PRTG: variants seen among roughly 807,000 people sequenced by gnomAD.
PRTG encodes immunoglobulin superfamily, DCC subclass, member 5.
In PRTG, 67 loss-of-function variants were observed where a neutral mutation model predicts 122.5. That is an observed-to-expected ratio of 0.55 (90% confidence interval 0.45 to 0.67). The LOEUF (loss-of-function observed/expected upper bound fraction) is 0.67. Ranked by LOEUF, PRTG falls within the 30% of genes least tolerant of loss-of-function variation. The pLI is 0.00. For synonymous variants in PRTG, 554 were observed against 501.1 expected (o/e 1.11, Z -1.41); for missense variants, 1,435 against 1,415.4 (o/e 1.01, Z -0.22).
chr15:55,666,245 C>T (rs1310710862), intron 11 of PRTG, among the ~76,000 whole-genome samples: 1 of 152,190 alleles, frequency 6.6e-6, no homozygotes, highest in Non-Finnish European at 1.5e-5. Flanking sequence ...AGAGAGCATG[C>T]TCTGGGCATT....
At chr15:55,720,470 C>T (rs1203697947) in intron 2 of PRTG, among the ~76,000 whole-genome samples, 2 of 152,156 alleles carry the variant, frequency 1.3e-5, no homozygotes, top group Non-Finnish European at 2.9e-5. Flanking sequence ...GTATTTTTCA[C>T]ATCCTATTGG....
At chr15:55,670,922 C>A (rs1042564790) in intron 11 of PRTG, among the ~76,000 whole-genome samples, 2 of 67,092 alleles carry the variant, frequency 3.0e-5, no homozygotes, top group East Asian at 8.7e-4. Context: ...CACACACACA[C>A]ACACACACAC....
intron 7 of PRTG, 113 bp downstream of exon 7, chr15:55,679,173 G>A: frequency 1.5e-6 from 1 of 669,554 alleles, no homozygotes. Flanking sequence ...GTTTCATTTT[G>A]TTAATAACTA....
intron 2 of PRTG, among the ~76,000 whole-genome samples, chr15:55,690,653 A>T (rs907683003): frequency 4.0e-5 from 6 of 151,676 alleles, no homozygotes; most frequent in Admixed American, 1.3e-4. Flanking sequence ...TACAAAATTT[A>T]AAAAAAAATG....
chr15:55,625,829 G>A (rs1006284407), intron 17 of PRTG, among the ~76,000 whole-genome samples: 2 of 151,976 alleles, frequency 1.3e-5, no homozygotes, highest in Non-Finnish European at 2.9e-5. Context: ...CTCCATGTTG[G>A]TCAGGCTGGT....
chr15:55,624,005 A>T (rs192805529), intron 18 of PRTG, among the ~76,000 whole-genome samples: 1 of 152,342 alleles, frequency 6.6e-6, no homozygotes, highest in East Asian at 1.9e-4. Context: ...GTCAGTCCAA[A>T]TTATAGTAAA....
intron 18 of PRTG, among the ~76,000 whole-genome samples, chr15:55,623,443 T>C (rs1192362529): frequency 6.6e-6 from 1 of 152,102 alleles, no homozygotes; most frequent in East Asian, 1.9e-4. Flanking sequence ...GGCGCACGCC[T>C]GTAATCCCGG....
chr15:55,677,320 AC>A (rs2059508275), intron 8 of PRTG, among the ~76,000 whole-genome samples: 1 of 152,192 alleles, frequency 6.6e-6, no homozygotes, highest in Non-Finnish European at 1.5e-5. Context: ...TTCAAAATAT[AC>A]AAAATACTTA....
At chr15:55,707,327 T>C (rs925100265) in intron 2 of PRTG, among the ~76,000 whole-genome samples, 1 of 152,162 alleles carries the variant, frequency 6.6e-6, no homozygotes, top group African/African-American at 2.4e-5. Flanking sequence ...TATATCCAAC[T>C]AGTGATTTAA....
At position 55,663,539 on chromosome 15, in the gene PRTG, C is replaced by CTT. The variant is rs574872335; in HGVS notation, c.2041+8904_2041+8905dup. ...TGATACGTTTTCCATCTTTTCTTTT[C>CTT]TTTTTTTTTTTTTGGTAGGGAGACA... is the stretch of plus-strand genomic sequence containing the variant. On this transcript the variant is annotated intron_variant, in intron 11 of 19. Transcript: ENST00000389286. Among the ~76,000 whole-genome samples the CTT allele has an allele frequency of 4.4e-3, 634 of 142,912 alleles. 7 individuals are homozygous for CTT. The highest frequency in any genetic ancestry group is 0.015 in the African/African-American group (595 of 39,130). The allele number at this position is 142,912 out of a possible 152,430, so 93.8% of individuals were successfully genotyped here. A position where few individuals can be genotyped will look rare whatever the true frequency, so the allele number is the denominator to read the frequency against.
intron 18 of PRTG, among the ~76,000 whole-genome samples, chr15:55,623,899 T>C (rs1351447013): frequency 1.3e-5 from 2 of 152,150 alleles, no homozygotes. Flanking sequence ...AAAAATGGCA[T>C]TCATACTTGG....
intron 14 of PRTG, among the ~76,000 whole-genome samples, chr15:55,638,184 A>G (rs974404397): frequency 2.6e-5 from 4 of 152,324 alleles, no homozygotes; most frequent in African/African-American, 7.2e-5. Flanking sequence ...GCTGCTATTC[A>G]TACAGAAATA....
chr15:55,640,671 T>A (rs1375038322), intron 12 of PRTG, among the ~76,000 whole-genome samples: 1 of 152,208 alleles, frequency 6.6e-6, no homozygotes, highest in Non-Finnish European at 1.5e-5. Flanking sequence ...ATAGGACTTA[T>A]AATTCAATAT....
intron 2 of PRTG, among the ~76,000 whole-genome samples, chr15:55,731,035 T>C (rs1269720525): frequency 6.6e-6 from 1 of 152,222 alleles, no homozygotes; most frequent in African/African-American, 2.4e-5. Context: ...TAAGGAATCT[T>C]AAATTTCTCT....
At chr15:55,653,715 T>G (rs1369597148) in intron 11 of PRTG, among the ~76,000 whole-genome samples, 1 of 152,132 alleles carries the variant, frequency 6.6e-6, no homozygotes, top group Non-Finnish European at 1.5e-5. Context: ...CTGCCCGCCT[T>G]GGCCTCCCAA....
At chr15:55,737,981 TCTC>T (rs1567121544) in intron 2 of PRTG, among the ~76,000 whole-genome samples, 16 of 55,472 alleles carry the variant, frequency 2.9e-4, no homozygotes, top group Non-Finnish European at 5.9e-4. Context: ...GCCTATTCTC[TCTC>T]TCTCTCTCTC....
rs918408619 is a variant in PRTG, at chr15:55,673,644, T to C, written c.1579A>G (p.Ser527Gly). Residue 527 changes from serine to glycine, a missense_variant, in exon 10 of 20, where the codon AGT (serine) becomes GGT (glycine). Transcript: ENST00000389286. ...ATGAGAATATCAGTGGGACTTCGAC[T>C]TGTCAAACTAATTTCAGGAGGTCTC... is the stretch of plus-strand genomic sequence containing the variant. ...PLRPPEISLT[S>G]RSPTDILISW... 6.2e-7 allele frequency: 1 copy of C among 1,614,094 alleles called. No homozygotes were observed. Among genetic ancestry groups the C allele is most frequent in the South Asian group, 1.1e-5 (1 of 91,078 alleles).
intron 1 of PRTG, among the ~76,000 whole-genome samples, chr15:55,741,555 A>G (rs1278673928): frequency 6.6e-6 from 1 of 152,188 alleles, no homozygotes; most frequent in Non-Finnish European, 1.5e-5. Context: ...TTCGATGACC[A>G]TACAATACTC....
chr15:55,636,057 G>A (rs187578403), intron 15 of PRTG, among the ~76,000 whole-genome samples: 8 of 151,792 alleles, frequency 5.3e-5, no homozygotes, highest in African/African-American at 9.7e-5. Flanking sequence ...TAGGCTGGGC[G>A]TGGTGGTGTG....
Sources: gnomAD v4.1 joint callset for allele counts (sites outside exome capture counted in the v4.1 genomes callset) on GRCh38, gnomAD v4.1.1 for gene constraint, MANE v1.5 for transcripts, NCBI Gene and HGNC (gene_info 2026-07-23, HGNC 2026-07-21) for gene names.